Variants in AKAP19 observed in about 807,000 individuals in gnomAD.
AKAP19 encodes A-kinase anchoring protein 19, also known as small A-kinase anchoring protein.
chr2:190,172,026 A>G, the AKAP19 span, among the ~76,000 whole-genome samples: 4 of 152,202 alleles, frequency 2.6e-5, no homozygotes, highest in Non-Finnish European at 4.4e-5. Context: ...ATCTTAACAA[A>G]TCACCCTAGC....
the AKAP19 span, among the ~76,000 whole-genome samples, chr2:189,996,989 T>C: frequency 6.6e-6 from 1 of 152,142 alleles, no homozygotes; most frequent in Non-Finnish European, 1.5e-5. Context: ...CCTGCTCTGG[T>C]GGAGGTGGAA....
the AKAP19 span, among the ~76,000 whole-genome samples, chr2:190,116,804 T>G: frequency 1.3e-5 from 2 of 152,236 alleles, no homozygotes; most frequent in African/African-American, 2.4e-5. Context: ...CTTAAACTCT[T>G]GTATGGCTAT....
At chr2:190,101,238 G>A in the AKAP19 span, among the ~76,000 whole-genome samples, 4 of 152,220 alleles carry the variant, frequency 2.6e-5, no homozygotes, top group African/African-American at 9.6e-5. Context: ...GTTGTGGAAA[G>A]TGCCTCACCA....
chr2:190,155,280 A>T, the AKAP19 span, among the ~76,000 whole-genome samples: 1 of 152,218 alleles, frequency 6.6e-6, no homozygotes, highest in Admixed American at 6.5e-5. Context: ...GGGTAGGAGA[A>T]GAACTAACAA....
At chr2:190,142,701 C>A in the AKAP19 span, among the ~76,000 whole-genome samples, 10 of 152,198 alleles carry the variant, frequency 6.6e-5, no homozygotes, top group African/African-American at 2.4e-4. Context: ...ACTTTTGATA[C>A]CAGCGGGCTG....
chr2:189,941,080 G>A, the AKAP19 span, among the ~76,000 whole-genome samples: 1 of 152,152 alleles, frequency 6.6e-6, no homozygotes, highest in Non-Finnish European at 1.5e-5. Context: ...ATCAGGCCAG[G>A]AGGAAGTGTA....
At chr2:189,976,031 C>T in the AKAP19 span, among the ~76,000 whole-genome samples, 7 of 152,330 alleles carry the variant, frequency 4.6e-5, no homozygotes, top group African/African-American at 1.7e-4. Flanking sequence ...TGAGAAGCGG[C>T]GTTCCTTGGA....
the AKAP19 span, chr2:190,200,983 C>T: frequency 6.0e-6 from 1 of 166,962 alleles, no homozygotes; most frequent in Non-Finnish European, 1.5e-5. Flanking sequence ...CTCAGAGGTA[C>T]AGAGGGCTGG....
the AKAP19 span, among the ~76,000 whole-genome samples, chr2:190,160,686 C>G: frequency 6.8e-6 from 1 of 146,966 alleles, no homozygotes; most frequent in African/African-American, 2.4e-5. Flanking sequence ...AATTAGCTCT[C>G]TTTCTCAATT....
At chr2:190,105,355 C>G in the AKAP19 span, among the ~76,000 whole-genome samples, 1 of 152,180 alleles carries the variant, frequency 6.6e-6, no homozygotes, top group South Asian at 2.1e-4. Flanking sequence ...ACCATAATTA[C>G]TGGCTGATTG....
chr2:189,966,004 G>A, the AKAP19 span, among the ~76,000 whole-genome samples: 1 of 152,036 alleles, frequency 6.6e-6, no homozygotes, highest in Admixed American at 6.6e-5. Flanking sequence ...ATACTACTCA[G>A]CCATAAAAAG....
the AKAP19 span, among the ~76,000 whole-genome samples, chr2:190,155,094 G>T: frequency 2.0e-5 from 3 of 152,256 alleles, no homozygotes; most frequent in East Asian, 5.8e-4. Flanking sequence ...CAACATAGAG[G>T]GCTCCAACTT....
chr2:190,062,582 T>C, the AKAP19 span: 7 of 1,611,672 alleles, frequency 4.3e-6, no homozygotes, highest in Admixed American at 1.7e-5. Flanking sequence ...AAACACAGAG[T>C]TGCAGTTTTT....
the AKAP19 span, among the ~76,000 whole-genome samples, chr2:190,171,782 A>G: frequency 6.6e-6 from 1 of 152,186 alleles, no homozygotes; most frequent in Non-Finnish European, 1.5e-5. Context: ...TATGGGGGGA[A>G]AATAACTTGC....
chr2:189,952,829 T>G, the AKAP19 span, among the ~76,000 whole-genome samples: 1 of 152,234 alleles, frequency 6.6e-6, no homozygotes, highest in Non-Finnish European at 1.5e-5. Flanking sequence ...GGCTATTTAA[T>G]GAATTGGTTC....
the AKAP19 span, among the ~76,000 whole-genome samples, chr2:190,166,317 C>CTTTTTTTT: frequency 8.0e-3 from 525 of 65,300 alleles, 9 homozygotes; most frequent in Non-Finnish European, 8.4e-3. Flanking sequence ...AAAATCCACT[C>CTTTTTTTT]TTTTTTTTTT....
chr2:190,089,072 T>A, the AKAP19 span, among the ~76,000 whole-genome samples: 1 of 152,174 alleles, frequency 6.6e-6, no homozygotes. Flanking sequence ...TTGAGTCCAA[T>A]GCTCTTTCAT....
chr2:190,057,656 AAC>A, the AKAP19 span: 1 of 1,612,320 alleles, frequency 6.2e-7, no homozygotes, highest in African/African-American at 1.3e-5. Flanking sequence ...AAAAGGAAAG[AAC>A]AATCAGTAAT....
chr2:190,097,673 A>G, the AKAP19 span, among the ~76,000 whole-genome samples: 2 of 152,086 alleles, frequency 1.3e-5, no homozygotes, highest in African/African-American at 2.4e-5. Flanking sequence ...TGTTCACAGC[A>G]TCTTCATCAG....
Sources: allele counts gnomAD v4.1 joint callset (sites outside exome capture counted in the v4.1 genomes callset), GRCh38; gene constraint gnomAD v4.1.1; transcripts MANE v1.5; gene names NCBI Gene and HGNC (gene_info 2026-07-23, HGNC 2026-07-21).